NOL4L: variants seen among roughly 807,000 people sequenced by gnomAD.
NOL4L encodes nucleolar protein 4-like.
Under a neutral mutation model 64.5 loss-of-function variants are expected in NOL4L, and 7 were observed. That is an observed-to-expected ratio of 0.11 (90% CI 0.06 to 0.20). The LOEUF is 0.20. Among genes scored for constraint, NOL4L ranks in the 10% least tolerant of loss-of-function variants. The pLI is 1.00. For missense variants in NOL4L, 680 were observed against 967.1 expected (o/e 0.70, Z 3.94); for synonymous variants, 413 against 401.0 (o/e 1.03, Z -0.36).
At chr20:32,455,474 G>A (rs536948666) in intron 6 of NOL4L, among the ~76,000 whole-genome samples, 88 of 152,330 alleles carry the variant, frequency 5.8e-4, no homozygotes, top group African/African-American at 2.1e-3. Context: ...CTGTCCAGAG[G>A]TGTAAGCTCC....
intron 5 of NOL4L, among the ~76,000 whole-genome samples, chr20:32,471,179 G>A (rs1192466895): frequency 1.4e-5 from 2 of 145,988 alleles, no homozygotes; most frequent in Admixed American, 1.4e-4. Flanking sequence ...AGTGAAAGCT[G>A]TGGCACCCGC....
chr20:32,484,629 C>A (rs2015971711), intron 4 of NOL4L, among the ~76,000 whole-genome samples: 1 of 152,126 alleles, frequency 6.6e-6, no homozygotes, highest in Non-Finnish European at 1.5e-5. Flanking sequence ...CAGCCCACAC[C>A]GGGCCGGGTC....
intron 1 of NOL4L, among the ~76,000 whole-genome samples, chr20:32,552,988 T>G (rs1433128297): frequency 1.3e-5 from 2 of 152,140 alleles, no homozygotes; most frequent in East Asian, 3.9e-4. Flanking sequence ...AGGATGAGCT[T>G]GGTTGGTGGC....
rs2012231201 is a variant in NOL4L, at chr20:32,443,977, G to A, written c.*3619C>T. On this transcript the variant is annotated 3_prime_UTR_variant, in exon 11 of 11. Transcript: ENST00000621426. ...GCCAATCTGAGTTCTACGTGGTATAGGTTTTTTGTTGTATTTTTAGGTGGA... is the reference window on the plus strand; with the variant it reads ...GCCAATCTGAGTTCTACGTGGTATAAGTTTTTTGTTGTATTTTTAGGTGGA... 6.6e-6 allele frequency: 1 copy of A among 152,186 alleles called. No individual in the cohort carries two copies. Among genetic ancestry groups the A allele is most frequent in the Non-Finnish European group, 1.5e-5 (1 of 68,046 alleles). 9.4% of individuals were successfully genotyped at this position (152,186 alleles called of 1,614,324 possible). A position where few individuals can be genotyped will look rare whatever the true frequency, so the allele number is the denominator to read the frequency against.
chr20:32,456,495 T>C, intron 5 of NOL4L, 100 bp from the exon 6 acceptor site: 1 of 1,216,972 alleles, frequency 8.2e-7, no homozygotes, highest in African/African-American at 1.6e-5. Flanking sequence ...TGAGTGTCCC[T>C]GGGTTGGGGT....
chr20:32,481,964 CG>C (rs61641396), intron 4 of NOL4L, among the ~76,000 whole-genome samples: 1,050 of 27,904 alleles, frequency 0.038, 28 homozygotes, highest in Middle Eastern at 0.11. Flanking sequence ...TGGGGCGGGG[CG>C]GGGGGGGGGG....
chr20:32,538,940 A>G (rs971185918), intron 1 of NOL4L, among the ~76,000 whole-genome samples: 1 of 149,512 alleles, frequency 6.7e-6, no homozygotes, highest in East Asian at 2.0e-4. Context: ...GCTTCAAATC[A>G]GCATCTCAGC....
chr20:32,582,527 C>T (rs1210832686), intron 1 of NOL4L, among the ~76,000 whole-genome samples: 2 of 152,096 alleles, frequency 1.3e-5, no homozygotes, highest in Non-Finnish European at 2.9e-5. Flanking sequence ...TCCAGATGCC[C>T]ACTCCCTAGG....
In NOL4L at chr20:32,555,207, G is replaced by A. The variant is rs890161377; in HGVS notation, c.322-27294C>T. On this transcript the variant is annotated intron_variant, in intron 1 of 10. Coordinates refer to ENST00000621426, the MANE Select transcript of NOL4L (RefSeq NM_001256798.2). ...CTACTTGATCTTCAGGCCTCAGCTC[G>A]AGTGTTACTGTCTGTTACGGCCTGA... Among the ~76,000 whole-genome samples the A allele has an allele frequency of 2.9e-4, 44 of 152,100 alleles. 1 individual carries two copies. Among genetic ancestry groups the A allele is most frequent in the African/African-American group, 9.7e-4 (40 of 41,410 alleles).
rs750118315 is a variant in NOL4L at position 32,494,734 on chromosome 20, C to A, written c.699+16613G>T. On this transcript the variant is annotated intron_variant, in intron 4 of 10. Coordinates refer to ENST00000621426, the MANE Select transcript of NOL4L (RefSeq NM_001256798.2). ...GCAATGAGACATCAACACAATGCCT[C>A]GAATGTGGACAAGGTTGGAGCAATA... 3.9e-5 allele frequency among the ~76,000 whole-genome samples: 6 copies of A among 152,188 alleles called. No homozygotes were observed. The East Asian group carries it at 1.2e-3, about 29-fold the overall frequency.
At chr20:32,462,778 G>A (rs766824914) in intron 5 of NOL4L, among the ~76,000 whole-genome samples, 15 of 151,824 alleles carry the variant, frequency 9.9e-5, no homozygotes, top group East Asian at 1.9e-4. Context: ...GGTGGTGCAC[G>A]CCTGTAGTCC....
At chr20:32,515,779 T>C (rs1298241289) in intron 3 of NOL4L, among the ~76,000 whole-genome samples, 2 of 152,124 alleles carry the variant, frequency 1.3e-5, no homozygotes, top group South Asian at 2.1e-4. Context: ...TCTGTTGCCA[T>C]GGAGAAGGGT....
rs554112667 is a variant in NOL4L, at chr20:32,541,062, T to G, written c.322-13149A>C. The stretch of plus-strand genomic sequence containing the variant: ...ACACACACACACTATTCCCTCTGGC[T>G]AGAAGGCCCTTCTCACTTGCATATA... On this transcript the variant is annotated intron_variant, in intron 1 of 10. Transcript: ENST00000621426. Among the ~76,000 whole-genome samples the G allele has an allele frequency of 2.8e-3, 391 of 140,908 alleles. 1 individual carries two copies. The highest frequency in any genetic ancestry group is 5.7e-3 in the Admixed American group (79 of 13,754). 92.4% of individuals were successfully genotyped at this position (140,908 alleles called of 152,430 possible). A position where few individuals can be genotyped will look rare whatever the true frequency, so the allele number is the denominator to read the frequency against.
intron 4 of NOL4L, among the ~76,000 whole-genome samples, chr20:32,491,106 A>C (rs750053226): frequency 3.9e-5 from 6 of 152,230 alleles, no homozygotes; most frequent in Non-Finnish European, 7.3e-5. Flanking sequence ...GGCAATGTAC[A>C]ATACAGACTC....
Position 32,456,224 on chromosome 20 carries a change from T to C in NOL4L, c.1013A>G (p.Lys338Arg). 6.2e-7 allele frequency: 1 copy of C among 1,608,854 alleles called. No individual in the cohort carries two copies. The highest frequency in any genetic ancestry group is 8.5e-7 in the Non-Finnish European group (1 of 1,177,688). The change falls in exon 6 of 11, where the codon AAG becomes AGG. Residue 338 changes from lysine to arginine, a missense_variant. Lys to Arg is a conservative substitution (Grantham distance 26). Transcript: ENST00000621426. ...GCCAAGTGCCGTGGCCGGCGGGAGC[T>C]TGTCACACAGGTTGATGGGCTGATC... Reference protein sequence around the residue: ...AEDQPINLCDKLPPATALGTA... With the variant: ...AEDQPINLCDRLPPATALGTA...
intron 5 of NOL4L, among the ~76,000 whole-genome samples, chr20:32,466,595 C>T (rs2014578093): frequency 7.2e-6 from 1 of 138,152 alleles, no homozygotes. Context: ...GCCGCCTGCT[C>T]ATCTGTTGTG....
chr20:32,529,228 T>C (rs1375237570), intron 1 of NOL4L, among the ~76,000 whole-genome samples: 1 of 152,142 alleles, frequency 6.6e-6, no homozygotes, highest in Non-Finnish European at 1.5e-5. Context: ...ATCTGTAAAA[T>C]GGGGATAACA....
intron 1 of NOL4L, among the ~76,000 whole-genome samples, chr20:32,568,214 GTTCC>G (rs1979551564): frequency 6.6e-6 from 1 of 151,958 alleles, no homozygotes; most frequent in African/African-American, 2.4e-5. Context: ...TGTAGCATCC[GTTCC>G]CCACAATATG....
chr20:32,525,088 C>T (rs1014979996), intron 2 of NOL4L, among the ~76,000 whole-genome samples: 8 of 152,156 alleles, frequency 5.3e-5, no homozygotes, highest in East Asian at 1.9e-4. Flanking sequence ...GTGGGGCACG[C>T]GGCAGGCATA....
Sources: gnomAD v4.1 joint callset for allele counts (sites outside exome capture counted in the v4.1 genomes callset) on GRCh38, gnomAD v4.1.1 for gene constraint, MANE v1.5 for transcripts, NCBI Gene and HGNC (gene_info 2026-07-23, HGNC 2026-07-21) for gene names.